NEDD4L: variants seen among roughly 807,000 people sequenced by gnomAD.
NEDD4L encodes E3 ubiquitin-protein ligase NEDD4-like.
A neutral mutation model predicts 148.9 loss-of-function variants in NEDD4L; 54 were observed. That is an observed-to-expected ratio of 0.36 (90% confidence interval 0.29 to 0.45). The LOEUF (loss-of-function observed/expected upper bound fraction) is 0.45. Among genes scored for constraint, NEDD4L ranks in the 20% least tolerant of loss-of-function variants. The pLI is 1.00. For missense variants in NEDD4L, 856 were observed against 1,233.8 expected, an observed-to-expected ratio of 0.69 and a Z score of 4.59; for synonymous variants, 433 against 440.7, an observed-to-expected ratio of 0.98 and a Z score of 0.22.
At chr18:58,307,508 A>G (rs2057206917) in intron 5 of NEDD4L, among the ~76,000 whole-genome samples, 2 of 152,218 alleles carry the variant, frequency 1.3e-5, no homozygotes, top group Admixed American at 6.5e-5. Context: ...TGGAGAGTTT[A>G]TGAAAAGTTA....
At position 58,396,434 on chromosome 18, in the gene NEDD4L, G is replaced by C. The variant is rs2050496444; in HGVS notation, c.*165G>C. 2 of 544,822 alleles carry C rather than the reference G, an allele frequency of 3.7e-6. No individual in the cohort carries two copies. Among genetic ancestry groups the C allele is most frequent in the Non-Finnish European group, 3.3e-6 (1 of 299,930 alleles). 33.7% of individuals were successfully genotyped at this position (544,822 alleles called of 1,614,324 possible). A position where few individuals can be genotyped will look rare whatever the true frequency, so the allele number is the denominator to read the frequency against. On this transcript the variant is annotated 3_prime_UTR_variant, in exon 31 of 31. Transcript: ENST00000400345. ...CGTCCAAGTTCGGATGCGGGAACCT[G>C]GTCCCAGCTTGAGTTCCTGCCTTTC...
intron 1 of NEDD4L, among the ~76,000 whole-genome samples, chr18:58,155,856 A>C (rs1051902979): frequency 2.0e-5 from 3 of 152,170 alleles, no homozygotes; most frequent in African/African-American, 7.2e-5. Flanking sequence ...GATCAGTTGC[A>C]CATGGACTGT....
At chr18:58,045,419 G>T in intron 1 of NEDD4L, 1 of 338,224 alleles carries the variant, frequency 3.0e-6, no homozygotes. Context: ...GGTGGGTGGG[G>T]AGAGGAAAGC....
At chr18:58,177,529 T>A (rs1344814999) in intron 2 of NEDD4L, among the ~76,000 whole-genome samples, 1 of 152,180 alleles carries the variant, frequency 6.6e-6, no homozygotes, top group African/African-American at 2.4e-5. Context: ...TGAACCTTTT[T>A]AATGGTTCTC....
intron 1 of NEDD4L, among the ~76,000 whole-genome samples, chr18:58,149,782 G>A (rs1381198154): frequency 6.6e-6 from 1 of 152,142 alleles, no homozygotes; most frequent in Non-Finnish European, 1.5e-5. Context: ...AGGCCTGATT[G>A]GTTTTCCTAA....
chr18:58,208,704 C>CAT (rs2042213447), intron 2 of NEDD4L, among the ~76,000 whole-genome samples: 1 of 152,208 alleles, frequency 6.6e-6, no homozygotes, highest in Non-Finnish European at 1.5e-5. Flanking sequence ...GAAGCTATTG[C>CAT]ATAGACAAGG....
intron 1 of NEDD4L, among the ~76,000 whole-genome samples, chr18:58,135,687 AAC>A (rs2032762551): frequency 6.6e-6 from 1 of 152,228 alleles, no homozygotes; most frequent in South Asian, 2.1e-4. Context: ...TTGTAGAATT[AAC>A]ACATTTGCAA....
chr18:58,254,670 GAC>G (rs1245549711), intron 5 of NEDD4L, among the ~76,000 whole-genome samples: 1 of 151,858 alleles, frequency 6.6e-6, no homozygotes, highest in African/African-American at 2.4e-5. Flanking sequence ...ACATATGGAA[GAC>G]AATGTTTTCT....
At chr18:58,053,838 C>T (rs2081985282) in intron 1 of NEDD4L, among the ~76,000 whole-genome samples, 1 of 152,128 alleles carries the variant, frequency 6.6e-6, no homozygotes, top group African/African-American at 2.4e-5. Flanking sequence ...ACTGAGTTGT[C>T]CCCTTTGAAC....
chr18:58,181,479 T>C (rs2038857683), intron 2 of NEDD4L, among the ~76,000 whole-genome samples: 1 of 152,138 alleles, frequency 6.6e-6, no homozygotes, highest in African/African-American at 2.4e-5. Context: ...TCACCAAGAC[T>C]GGAGTGCAGT....
At chr18:58,300,024 G>A (rs1397510733) in intron 5 of NEDD4L, among the ~76,000 whole-genome samples, 1 of 152,162 alleles carries the variant, frequency 6.6e-6, no homozygotes, top group Non-Finnish European at 1.5e-5. Flanking sequence ...AGTAAAATCA[G>A]CCACATCCAT....
intron 6 of NEDD4L, among the ~76,000 whole-genome samples, chr18:58,320,237 T>C (rs1430815426): frequency 6.6e-6 from 1 of 152,212 alleles, no homozygotes; most frequent in Non-Finnish European, 1.5e-5. Flanking sequence ...ATTTCCTATG[T>C]TTAAACTGTC....
chr18:58,235,621 T>G (rs2045921713), intron 2 of NEDD4L, among the ~76,000 whole-genome samples: 1 of 152,222 alleles, frequency 6.6e-6, no homozygotes, highest in Non-Finnish European at 1.5e-5. Context: ...GCCTCCACTT[T>G]GACATCACGT....
intron 1 of NEDD4L, among the ~76,000 whole-genome samples, chr18:58,055,773 G>C (rs1298140169): frequency 2.0e-5 from 3 of 152,224 alleles, no homozygotes. Context: ...CTTAAAGTTT[G>C]AATTTCCATC....
At chr18:58,320,584 C>T (rs1391550039) in intron 6 of NEDD4L, among the ~76,000 whole-genome samples, 1 of 152,172 alleles carries the variant, frequency 6.6e-6, no homozygotes, top group East Asian at 1.9e-4. Context: ...GAGGCCAAGG[C>T]AGGAGGACGT....
At chr18:58,387,658 G>A in intron 27 of NEDD4L, 160 bp downstream of exon 27, 1 of 836,834 alleles carries the variant, frequency 1.2e-6, no homozygotes, top group African/African-American at 1.8e-5. Context: ...TTGCCAATGT[G>A]GTTCTATTAC....
chr18:58,387,533 A>AT (rs986029243), intron 27 of NEDD4L, 35 bp downstream of exon 27: 3 of 1,491,526 alleles, frequency 2.0e-6, no homozygotes, highest in Non-Finnish European at 2.7e-6. Flanking sequence ...TGTAAAGTGG[A>AT]TTTTTTAAAG....
At chr18:58,389,543 A>C (rs912827680) in intron 28 of NEDD4L, 1 of 192,196 alleles carries the variant, frequency 5.2e-6, no homozygotes, top group Non-Finnish European at 1.1e-5. Flanking sequence ...TGGCTTTGCA[A>C]GATGCCACTT....
chr18:58,352,124 G>A (rs948237909), intron 18 of NEDD4L, among the ~76,000 whole-genome samples: 8 of 152,142 alleles, frequency 5.3e-5, no homozygotes, highest in African/African-American at 1.7e-4. Flanking sequence ...AGAAGAGTGA[G>A]CTACCCTTTG....
Sources: allele counts gnomAD v4.1 joint callset (sites outside exome capture counted in the v4.1 genomes callset), GRCh38; gene constraint gnomAD v4.1.1; transcripts MANE v1.5; gene names NCBI Gene and HGNC (gene_info 2026-07-23, HGNC 2026-07-21).